Variants in TACC2 observed in about 807,000 individuals in gnomAD.
TACC2 encodes transforming acidic coiled-coil containing protein 2.
In TACC2, 137 loss-of-function variants were observed where a neutral mutation model predicts 227.3. The ratio of observed to expected loss-of-function variants is 0.60; its 90% CI spans 0.52 to 0.69. TACC2 has a LOEUF of 0.69. Among genes scored for constraint, TACC2 ranks in the 30% least tolerant of loss-of-function variants. TACC2 has a pLI of 0.00. For synonymous variants in TACC2, 1,523 were observed against 1,487.5 expected (o/e 1.02, Z -0.55); for missense variants, 3,470 against 3,694.4 (o/e 0.94, Z 1.57).
intron 6 of TACC2, 27 bp downstream of exon 6, chr10:122,132,761 A>G (rs367832917): frequency 6.2e-7 from 1 of 1,613,018 alleles, no homozygotes; most frequent in Non-Finnish European, 8.5e-7. Context: ...GGAGCTGGTG[A>G]TGAGACCTCA....
intron 5 of TACC2, among the ~76,000 whole-genome samples, chr10:122,108,859 G>A (rs1406588736): frequency 1.3e-5 from 2 of 151,998 alleles, no homozygotes; most frequent in Non-Finnish European, 2.9e-5. Flanking sequence ...TCAGCCTCCC[G>A]AGTAGCTGCG....
intron 1 of TACC2, among the ~76,000 whole-genome samples, chr10:121,990,846 G>A (rs934835911): frequency 6.6e-6 from 1 of 152,142 alleles, no homozygotes; most frequent in African/African-American, 2.4e-5. Flanking sequence ...GGAGTGTAGT[G>A]TTGCCTTCTC....
At chr10:122,157,313 T>C (rs1406396173) in intron 7 of TACC2, among the ~76,000 whole-genome samples, 1 of 152,024 alleles carries the variant, frequency 6.6e-6, no homozygotes, top group Admixed American at 6.6e-5. Context: ...CCTGGGAACT[T>C]TGTAGTTTTA....
chr10:122,051,860 CT>C (rs2075740745), intron 3 of TACC2: 1 of 141,746 alleles, frequency 7.1e-6, no homozygotes, highest in Admixed American at 7.5e-5. Context: ...AAGTGGGTGG[CT>C]TGGGCTATGT....
chr10:122,073,105 T>TAAA (rs1266563517), intron 3 of TACC2, among the ~76,000 whole-genome samples: 1 of 9,608 alleles, frequency 1.0e-4, no homozygotes, highest in Non-Finnish European at 1.8e-4. Context: ...AGACTCTGTC[T>TAAA]CAAAAAAAAA....
In TACC2 at chr10:122,050,798, A is replaced by G; in HGVS notation, c.146+248A>G. On this transcript the variant is annotated intron_variant, in intron 3 of 22. Transcript: ENST00000369005. The surrounding 1 kb of genome is among the most constrained non-coding windows in gnomAD (Gnocchi z 4.6). Reference sequence around the variant, plus strand: ...ATTAGTAATTATAGACTTCCATTCCAGCCACACTCCAGAGTATCTTCATTG... The same window carrying G: ...ATTAGTAATTATAGACTTCCATTCCGGCCACACTCCAGAGTATCTTCATTG... 2.0e-6 allele frequency: 1 copy of G among 497,762 alleles called. No homozygotes were observed. The highest frequency in any genetic ancestry group is 3.6e-6 in the Non-Finnish European group (1 of 280,432). 30.8% of individuals were successfully genotyped at this position (497,762 alleles called of 1,614,324 possible).
At position 122,083,333 on chromosome 10, in the gene TACC2, C is replaced by G. The variant is rs1187170370; in HGVS notation, c.833C>G (p.Pro278Arg). The change falls in exon 4 of 23, where the codon CCA becomes CGA. Residue 278 changes from proline to arginine, a missense_variant. By Grantham distance (103) the Pro-to-Arg change is moderately radical. Around this residue, in one of 10 missense-constraint regions of TACC2, gnomAD observed 405 missense variants for 389.6 expected, o/e 1.04. Coordinates refer to ENST00000369005, the MANE Select transcript of TACC2 (RefSeq NM_206862.4). The stretch of plus-strand genomic sequence containing the variant: ...CCCCTAAAACCCATGGCCCCGATCC[C>G]ACAAGATCCAGCCCCAAGAGCCTCA... ...KSPLKPMAPI[P>R]QDPAPRASDR... 6.8e-6 allele frequency: 11 copies of G among 1,613,912 alleles called. No individual in the cohort carries two copies. Among genetic ancestry groups the G allele is most frequent in the Non-Finnish European group, 8.5e-6 (10 of 1,180,044 alleles).
In TACC2 at chr10:122,150,827, T is replaced by C. The variant is rs1269463358; in HGVS notation, c.5834+7121T>C. Among the ~76,000 whole-genome samples, 1 of 152,192 alleles carries C rather than the reference T, an allele frequency of 6.6e-6. No homozygotes were observed. Among genetic ancestry groups the C allele is most frequent in the Non-Finnish European group, 1.5e-5 (1 of 68,032 alleles). On this transcript the variant is annotated intron_variant, in intron 7 of 22. Transcript: ENST00000369005. This position sits in a 1 kb window ranked among gnomAD's most constrained non-coding sequence, Gnocchi z 4.0. Reference sequence around the variant, plus strand: ...TCCTGGGTCCTTTCTTCTGCTTTGTTTGCATTTTTTGATCCTGCCAGCCAG... The same window carrying C: ...TCCTGGGTCCTTTCTTCTGCTTTGTCTGCATTTTTTGATCCTGCCAGCCAG...
rs774154821 is a variant in TACC2, at chr10:122,050,479, C to T, written c.75C>T (p.Pro25=). 1.1e-5 allele frequency: 17 copies of T among 1,613,972 alleles called. No homozygotes were observed. Among genetic ancestry groups the T allele is most frequent in the East Asian group, 6.7e-5 (3 of 44,876 alleles). ...AGACTCCAAGGTCCGCGCAGCCACCCGGGAACAGTCAGAATATAAAAAGGA... is the reference window on the plus strand; with the variant it reads ...AGACTCCAAGGTCCGCGCAGCCACCTGGGAACAGTCAGAATATAAAAAGGA... The part of the protein sequence containing the change: ...SAQTPRSAQP[P]GNSQNIKRKQ... Residue 25 remains proline, a synonymous_variant, in exon 3 of 23, where the codon CCC becomes CCT. Coordinates refer to ENST00000369005, the MANE Select transcript of TACC2 (RefSeq NM_206862.4). The surrounding 1 kb of genome is among the most constrained non-coding windows in gnomAD (Gnocchi z 4.6).
chr10:122,252,455 C>T (rs1308060819), intron 22 of TACC2, among the ~76,000 whole-genome samples: 2 of 151,230 alleles, frequency 1.3e-5, no homozygotes, highest in East Asian at 3.9e-4. Context: ...TTAGCAGCCC[C>T]AGCAGGGGCC....
chr10:122,124,072 A>C (rs2086362504), intron 5 of TACC2, among the ~76,000 whole-genome samples: 1 of 152,088 alleles, frequency 6.6e-6, no homozygotes, highest in African/African-American at 2.4e-5. Flanking sequence ...ACGGCCTCCC[A>C]AAGTGCTGCG....
chr10:122,008,266 T>TATTA lies in TACC2; in HGVS notation c.-45-13671_-45-13670insATTA, dbSNP rs1554958022. ...CCTTTGTTATTATTATTATTATTATTTTTTTTTTTTGAGACAGAATTTTGC... is the reference window on the plus strand; with the variant it reads ...CCTTTGTTATTATTATTATTATTATTATTATTTTTTTTTTGAGACAGAATTTTGC... On this transcript the variant is annotated intron_variant, in intron 1 of 22. Transcript: ENST00000369005. 2.9e-5 allele frequency among the ~76,000 whole-genome samples: 4 copies of TATTA among 139,790 alleles called. 1 individual carries two copies. The highest frequency in any genetic ancestry group is 2.2e-4 in the South Asian group (1 of 4,562). 91.7% of individuals were successfully genotyped at this position (139,790 alleles called of 152,430 possible).
At chr10:122,024,042 G>A (rs1173137233) in intron 2 of TACC2, among the ~76,000 whole-genome samples, 1 of 152,140 alleles carries the variant, frequency 6.6e-6, no homozygotes, top group African/African-American at 2.4e-5. Context: ...ATTATTTTGA[G>A]ATATTAGTAG....
At chr10:122,122,172 G>A (rs1263201226) in intron 5 of TACC2, among the ~76,000 whole-genome samples, 3 of 152,258 alleles carry the variant, frequency 2.0e-5, no homozygotes, top group Middle Eastern at 3.4e-3. Context: ...TGGCTAACAC[G>A]GTGAAACTCC....
chr10:122,044,483 T>C (rs547353570), intron 2 of TACC2, among the ~76,000 whole-genome samples: 16 of 152,294 alleles, frequency 1.1e-4, no homozygotes, highest in Admixed American at 3.3e-4. Flanking sequence ...CCTAATGCCA[T>C]GGGGATGACC....
intron 5 of TACC2, among the ~76,000 whole-genome samples, chr10:122,101,390 G>A (rs2082122617): frequency 6.6e-6 from 1 of 152,014 alleles, no homozygotes; most frequent in African/African-American, 2.4e-5. Flanking sequence ...TAGCACAGTG[G>A]GCTGCACATA....
At chr10:122,169,519 G>A (rs907351937) in intron 7 of TACC2, among the ~76,000 whole-genome samples, 11 of 152,190 alleles carry the variant, frequency 7.2e-5, no homozygotes, top group Non-Finnish European at 1.5e-4. Flanking sequence ...GAGACAACAT[G>A]TAAATCCATG....
chr10:122,226,672 C>T (rs2095635950), intron 13 of TACC2, among the ~76,000 whole-genome samples, 191 bp downstream of exon 13: 1 of 151,788 alleles, frequency 6.6e-6, no homozygotes, highest in African/African-American at 2.4e-5. Flanking sequence ...CTCCTGGGCT[C>T]AAGGGCTCCT....
chr10:122,160,118 C>G (rs2092728552), intron 7 of TACC2, among the ~76,000 whole-genome samples: 1 of 152,214 alleles, frequency 6.6e-6, no homozygotes, highest in Admixed American at 6.5e-5. Flanking sequence ...CTGGTTTCCA[C>G]TTATAGGCCA....
Sources: gnomAD v4.1 joint callset for allele counts (sites outside exome capture counted in the v4.1 genomes callset) on GRCh38, gnomAD v4.1.1 for gene constraint, gnomAD v4.1.1 regional missense constraint, Gnocchi (gnomAD v3.1) non-coding constraint, MANE v1.5 for transcripts, NCBI Gene and HGNC (gene_info 2026-07-23, HGNC 2026-07-21) for gene names.